The following RASA2 variants were observed in gnomAD, a reference collection of about 807,000 sequenced individuals.
RASA2 encodes RAS p21 protein activator 2, also known as ras GTPase-activating protein 2.
RASA2 carries 155 observed loss-of-function variants against 118.2 expected under a neutral mutation model. The ratio of observed to expected loss-of-function variants is 1.31; its 90% CI spans 1.15 to 1.50. The LOEUF (loss-of-function observed/expected upper bound fraction) is 1.50, where lower values mean the gene tolerates loss of function less well. Among genes scored for constraint, RASA2 ranks in the 40% most tolerant of loss-of-function variants. The pLI is 0.00. For synonymous variants in RASA2, 353 were observed against 349.1 expected, an observed-to-expected ratio of 1.01 and a Z score of -0.12; for missense variants, 1,016 against 1,009.6, an observed-to-expected ratio of 1.01 and a Z score of -0.09.
At chr3:141,545,441 G>C (rs1350166239) in intron 5 of RASA2, among the ~76,000 whole-genome samples, 1 of 150,714 alleles carries the variant, frequency 6.6e-6, no homozygotes, top group Admixed American at 6.6e-5. Flanking sequence ...ACAGGAGAGA[G>C]AGTGGGGAGG....
chr3:141,578,697 G>A (rs2107766512), intron 15 of RASA2: 1 of 152,284 alleles, frequency 6.6e-6, no homozygotes, highest in Middle Eastern at 3.4e-3. Flanking sequence ...GAACTCTGAG[G>A]CAGTGAAAGC....
At chr3:141,570,393 T>C (rs187316813) in intron 9 of RASA2, among the ~76,000 whole-genome samples, 1 of 152,096 alleles carries the variant, frequency 6.6e-6, no homozygotes, top group Non-Finnish European at 1.5e-5. Context: ...CTGATTTTTG[T>C]ATTTTTAGTA....
In RASA2 at chr3:141,615,082, A is replaced by G. The variant is rs562854245; in HGVS notation, c.*2769A>G. On this transcript the variant is annotated 3_prime_UTR_variant, in exon 24 of 24. Coordinates refer to ENST00000286364, the MANE Select transcript of RASA2 (RefSeq NM_006506.5). Reference sequence around the variant, plus strand: ...AAAATACAAGACTCATTCTAGAGTTAAATTACCAATCTTGGTTGATATTAT... The same window carrying G: ...AAAATACAAGACTCATTCTAGAGTTGAATTACCAATCTTGGTTGATATTAT... The G allele has an allele frequency of 2.6e-5, 4 of 152,318 alleles. No individual in the cohort carries two copies. In the East Asian group the frequency reaches 7.7e-4, roughly 29 times the overall value. 9.4% of individuals were successfully genotyped at this position (152,318 alleles called of 1,614,324 possible).
At chr3:141,559,796 A>T in intron 8 of RASA2, 98 bp from the exon 9 acceptor site, 2 of 948,762 alleles carry the variant, frequency 2.1e-6, no homozygotes, top group Non-Finnish European at 3.3e-6. Flanking sequence ...ATGTAAAATT[A>T]ATGCTGTAAT....
chr3:141,555,335 G>T (rs1259908563), intron 6 of RASA2, among the ~76,000 whole-genome samples: 1 of 152,172 alleles, frequency 6.6e-6, no homozygotes. Flanking sequence ...TTAACACTGG[G>T]AGAGGCTGGG....
Position 141,534,229 on chromosome 3 carries a change from C to T in RASA2, c.450+4427C>T, listed in dbSNP as rs116167606. ...ATTTCTTAGGCACAGTGATAAAAAG[C>T]ATACTTTACATATGGTTGATTAACC... On this transcript the variant is annotated intron_variant, in intron 4 of 23. Coordinates refer to ENST00000286364, the MANE Select transcript of RASA2 (RefSeq NM_006506.5). 2.4e-3 allele frequency among the ~76,000 whole-genome samples: 361 copies of T among 152,208 alleles called. 3 individuals are homozygous for T. Among genetic ancestry groups the T allele is most frequent in the African/African-American group, 8.2e-3 (339 of 41,544 alleles).
chr3:141,604,168 A>T (rs1269468708), intron 19 of RASA2, among the ~76,000 whole-genome samples: 2 of 152,156 alleles, frequency 1.3e-5, no homozygotes, highest in African/African-American at 4.8e-5. Flanking sequence ...TTAAAACCTG[A>T]TTTCAGCCAT....
intron 19 of RASA2, among the ~76,000 whole-genome samples, chr3:141,588,041 TGCATCA>T (rs1192794102): frequency 6.6e-6 from 1 of 152,222 alleles, no homozygotes; most frequent in African/African-American, 2.4e-5. Context: ...ATACCCATAA[TGCATCA>T]GTTTTCAGGA....
At chr3:141,602,750 CAA>C (rs2083485356) in intron 19 of RASA2, among the ~76,000 whole-genome samples, 1 of 152,176 alleles carries the variant, frequency 6.6e-6, no homozygotes, top group Admixed American at 6.5e-5. Context: ...GCAGGCAGCT[CAA>C]ATACCTCAAA....
chr3:141,609,570 A>G (rs369772419), intron 22 of RASA2, 47 bp downstream of exon 22: 8 of 1,371,194 alleles, frequency 5.8e-6, no homozygotes, highest in East Asian at 2.3e-5. Flanking sequence ...TTCATTACCA[A>G]TTCCTAAAGT....
intron 9 of RASA2, among the ~76,000 whole-genome samples, chr3:141,562,419 C>T (rs184819035): frequency 0.013 from 1,936 of 145,738 alleles, 37 homozygotes; most frequent in African/African-American, 0.045. Flanking sequence ...GTCAGGAGAT[C>T]GAGACATCCT....
intron 1 of RASA2, among the ~76,000 whole-genome samples, chr3:141,488,608 G>A (rs1432741859): frequency 1.3e-5 from 2 of 152,198 alleles, no homozygotes; most frequent in Non-Finnish European, 2.9e-5. Flanking sequence ...AGTGACACCA[G>A]AGAGGTAGAT....
At chr3:141,582,059 T>A (rs11717144) in intron 17 of RASA2, among the ~76,000 whole-genome samples, 38,324 of 152,136 alleles carry the variant, frequency 0.25, 5,424 homozygotes, top group Non-Finnish European at 0.32. Context: ...GTACTGTATT[T>A]TATGTATCAC....
At chr3:141,519,371 T>A (rs551301654) in intron 3 of RASA2, among the ~76,000 whole-genome samples, 34 of 152,358 alleles carry the variant, frequency 2.2e-4, no homozygotes, top group Non-Finnish European at 4.7e-4. Flanking sequence ...TGAGGAATTT[T>A]TCATATGTTT....
chr3:141,554,915 C>G (rs192902581), intron 6 of RASA2, among the ~76,000 whole-genome samples: 1 of 152,076 alleles, frequency 6.6e-6, no homozygotes, highest in African/African-American at 2.4e-5. Context: ...CTCTACCTGA[C>G]AAATTATTTG....
chr3:141,587,007 G>C, intron 19 of RASA2: 1 of 475,788 alleles, frequency 2.1e-6, no homozygotes. Context: ...AAAATCCATA[G>C]TAATCCATAC....
At chr3:141,498,973 G>A (rs1018269196) in intron 1 of RASA2, among the ~76,000 whole-genome samples, 6 of 152,156 alleles carry the variant, frequency 3.9e-5, no homozygotes, top group South Asian at 2.1e-4. Flanking sequence ...AACTGAAACC[G>A]GAAGTGGGCA....
At chr3:141,505,805 A>G (rs553515739) in intron 1 of RASA2, among the ~76,000 whole-genome samples, 1 of 152,196 alleles carries the variant, frequency 6.6e-6, no homozygotes, top group East Asian at 1.9e-4. Flanking sequence ...CGTATTAAAA[A>G]GGTAACTAGC....
At position 141,518,208 on chromosome 3, in the gene RASA2, C is replaced by T. The variant is rs117805458; in HGVS notation, c.355+1777C>T. Among the ~76,000 whole-genome samples the T allele has an allele frequency of 3.0e-4, 45 of 151,278 alleles. No homozygotes were observed. In the East Asian group the frequency reaches 7.5e-3, roughly 25 times the overall value. On this transcript the variant is annotated intron_variant, in intron 3 of 23. Transcript: ENST00000286364. Reference sequence around the variant, plus strand: ...CTTAAAAAATTAAGCATTATTTGGCCAGGTGCAGTGGCTCATGCCTGTAAT... The same window carrying T: ...CTTAAAAAATTAAGCATTATTTGGCTAGGTGCAGTGGCTCATGCCTGTAAT...
Sources: allele counts gnomAD v4.1 joint callset (sites outside exome capture counted in the v4.1 genomes callset), GRCh38; gene constraint gnomAD v4.1.1; transcripts MANE v1.5; gene names NCBI Gene and HGNC (gene_info 2026-07-23, HGNC 2026-07-21).